APOL5: variants seen among roughly 807,000 people sequenced by gnomAD.
APOL5 encodes apolipoprotein L5.
A neutral mutation model predicts 35.5 loss-of-function variants in APOL5; 29 were observed. That is an observed-to-expected ratio of 0.82 (90% confidence interval 0.61 to 1.11). The LOEUF is 1.11. Ranked by LOEUF, APOL5 falls within the 50% of genes most tolerant of loss-of-function variation. The pLI is 0.00. For synonymous variants in APOL5, 188 were observed against 200.2 expected, an observed-to-expected ratio of 0.94 and a Z score of 0.51; for missense variants, 514 against 530.4, an observed-to-expected ratio of 0.97 and a Z score of 0.30.
chr22:35,716,123 T>C (rs1926736622), upstream of APOL5, among the ~76,000 whole-genome samples: 1 of 152,094 alleles, frequency 6.6e-6, no homozygotes, highest in South Asian at 2.1e-4. Flanking sequence ...AAGAAAACAA[T>C]ATTAACATTT....
the APOL5 span, among the ~76,000 whole-genome samples, chr22:35,712,429 G>A: frequency 5.5e-3 from 843 of 151,988 alleles, 4 homozygotes; most frequent in African/African-American, 0.02. Flanking sequence ...TGTTGCCCAG[G>A]TTGGTCTTGA....
Position 35,727,179 on chromosome 22 carries a change from G to T in APOL5, c.1111G>T (p.Val371Leu). The change falls in exon 3 of 5, where the codon GTG (valine) becomes TTG (leucine). Residue 371 changes from valine to leucine, a missense_variant. By Grantham distance (32) the Val-to-Leu change is conservative. Coordinates refer to ENST00000249044, the MANE Select transcript of APOL5 (RefSeq NM_030642.1). ...GGGCAGGGCTGTTCGAGGATCCCGT[G>T]TGGTTAAACCAGAAGGTAGGAAGGC... Reference protein sequence around the residue: ...SRGRAVRGSRVVKPEGSRSPL... With the variant: ...SRGRAVRGSRLVKPEGSRSPL... The T allele has an allele frequency of 6.2e-7, 1 of 1,601,146 alleles. No homozygotes were observed.
intron 1 of APOL5, among the ~76,000 whole-genome samples, chr22:35,719,329 A>G (rs1023505877): frequency 2.6e-5 from 4 of 152,282 alleles, no homozygotes; most frequent in South Asian, 2.1e-4. Flanking sequence ...GTGTCTGAAC[A>G]AGGTGGACTC....
At chr22:35,709,828 A>G in the APOL5 span, among the ~76,000 whole-genome samples, 1 of 151,664 alleles carries the variant, frequency 6.6e-6, no homozygotes, top group African/African-American at 2.4e-5. Context: ...ATGAGCATTG[A>G]TTTTTTTGTA....
the APOL5 span, among the ~76,000 whole-genome samples, chr22:35,712,636 T>C: frequency 1.3e-5 from 2 of 152,200 alleles, no homozygotes; most frequent in East Asian, 3.8e-4. Flanking sequence ...TTTTAAAAAT[T>C]GGGGGTTTTT....
rs141817143 is a variant in APOL5 at position 35,722,252 on chromosome 22, A to C, written c.142+1598A>C. 8.6e-3 allele frequency among the ~76,000 whole-genome samples: 1,316 copies of C among 152,258 alleles called. 25 individuals carry two copies. Among genetic ancestry groups the C allele is most frequent in the Middle Eastern group, 0.068 (20 of 294 alleles). On this transcript the variant is annotated intron_variant, in intron 2 of 4. Coordinates refer to ENST00000249044, the MANE Select transcript of APOL5 (RefSeq NM_030642.1). ...ATGTTAACCTCTCCTCCTTTGGTAA[A>C]GGGAAAGGGATGATTTTTCCTATCT...
rs756119604 is a variant in APOL5, at chr22:35,726,193, T to C, written c.143-18T>C. 13 of 1,595,326 alleles carry C rather than the reference T, an allele frequency of 8.1e-6. No individual in the cohort carries two copies. On this transcript the variant is annotated intron_variant, in intron 2 of 4. Transcript: ENST00000249044. ...TCCTGCACACATTTTAGTGCTCAGA[T>C]TGCCTAGATGTCTTTAGCCTCACTC...
At chr22:35,710,312 C>CT in the APOL5 span, among the ~76,000 whole-genome samples, 2,365 of 143,910 alleles carry the variant, frequency 0.016, 38 homozygotes, top group Middle Eastern at 0.071. Flanking sequence ...TTTTATTCTT[C>CT]TTTTTTTTTT....
At chr22:35,711,218 T>C in the APOL5 span, among the ~76,000 whole-genome samples, 3 of 152,282 alleles carry the variant, frequency 2.0e-5, no homozygotes, top group South Asian at 6.2e-4. Context: ...AAAGACTTCC[T>C]TCTTTCTTGA....
the APOL5 span, among the ~76,000 whole-genome samples, chr22:35,712,413 C>T: frequency 1.3e-5 from 2 of 152,060 alleles, no homozygotes; most frequent in Non-Finnish European, 2.9e-5. Context: ...GACAGAGTCT[C>T]ACTATTGTTG....
chr22:35,719,503 T>A (rs922130224), intron 1 of APOL5, among the ~76,000 whole-genome samples: 1 of 152,236 alleles, frequency 6.6e-6, no homozygotes, highest in African/African-American at 2.4e-5. Context: ...AAAAATGTTA[T>A]CAATTAACAT....
At chr22:35,725,982 C>G (rs1927139224) in intron 2 of APOL5, among the ~76,000 whole-genome samples, 1 of 152,168 alleles carries the variant, frequency 6.6e-6, no homozygotes, top group African/African-American at 2.4e-5. Context: ...CAAAGTTAAA[C>G]TATAAACTAA....
chr22:35,719,644 C>T (rs1012198869), intron 1 of APOL5, among the ~76,000 whole-genome samples: 5 of 152,224 alleles, frequency 3.3e-5, no homozygotes, highest in Non-Finnish European at 2.9e-5. Context: ...CTCACTTCTT[C>T]GGTGCCCTGC....
chr22:35,719,695 T>C (rs1441082951), intron 1 of APOL5, among the ~76,000 whole-genome samples: 1 of 151,884 alleles, frequency 6.6e-6, no homozygotes, highest in Non-Finnish European at 1.5e-5. Context: ...CGGCAGGTCT[T>C]GGGGAGCGTG....
In APOL5 at chr22:35,726,264, G is replaced by A; in HGVS notation, c.196G>A (p.Val66Ile). The A allele has an allele frequency of 6.2e-7, 1 of 1,614,002 alleles. No individual in the cohort carries two copies. The highest frequency in any genetic ancestry group is 8.5e-7 in the Non-Finnish European group (1 of 1,179,896). The change falls in exon 3 of 5, where the codon GTC (valine) becomes ATC (isoleucine). Residue 66 changes from valine (V) to isoleucine (I), a missense_variant. Coordinates refer to ENST00000249044, the MANE Select transcript of APOL5 (RefSeq NM_030642.1). Reference protein sequence around the residue: ...SWKINNLMSTVHSDEAGMLSY... With the variant: ...SWKINNLMSTIHSDEAGMLSY... ...GAAAATTAACAATTTGATGTCAACT[G>A]TCCACAGTGATGAGGCTGGTATGCT... is the stretch of plus-strand genomic sequence containing the variant.
chr22:35,711,480 G>A, the APOL5 span, among the ~76,000 whole-genome samples: 3 of 152,088 alleles, frequency 2.0e-5, no homozygotes, highest in Non-Finnish European at 2.9e-5. Context: ...TTTACACAAG[G>A]TGAAAAACGT....
chr22:35,711,599 TTTCCTTCC>T, the APOL5 span, among the ~76,000 whole-genome samples: 61 of 77,562 alleles, frequency 7.9e-4, no homozygotes, highest in Middle Eastern at 0.014. Context: ...TCACCATGTT[TTTCCTTCC>T]TTCCTTCCTT....
chr22:35,717,840 A>G (rs1926814012), upstream of APOL5: 1 of 1,526,922 alleles, frequency 6.5e-7, no homozygotes, highest in African/African-American at 1.4e-5. Context: ...TATTAATCAT[A>G]TTATAAGCTT....
chr22:35,710,674 A>T, the APOL5 span, among the ~76,000 whole-genome samples: 40,247 of 151,844 alleles, frequency 0.27, 5,995 homozygotes, highest in Middle Eastern at 0.34. Flanking sequence ...CAAAACTGAA[A>T]CTTTGCCCCA....
Sources: gnomAD v4.1 joint callset for allele counts (sites outside exome capture counted in the v4.1 genomes callset) on GRCh38, gnomAD v4.1.1 for gene constraint, MANE v1.5 for transcripts, NCBI Gene and HGNC (gene_info 2026-07-23, HGNC 2026-07-21) for gene names.